The following NRXN3 variants were observed in gnomAD, a reference collection of about 807,000 sequenced individuals.
The protein encoded by NRXN3 is neurexin 3, also known as neurexin III.
A neutral mutation model predicts 137.6 loss-of-function variants in NRXN3; 32 were observed. The ratio of observed to expected loss-of-function variants is 0.23; its 90% CI spans 0.18 to 0.31. The LOEUF (loss-of-function observed/expected upper bound fraction) is 0.31, where lower values mean the gene tolerates loss of function less well. NRXN3 is among the 10% of genes least tolerant of loss of function. NRXN3 has a pLI of 1.00. For missense variants in NRXN3, 1,574 were observed against 2,062.5 expected, an observed-to-expected ratio of 0.76 and a Z score of 4.59; for synonymous variants, 798 against 784.5, an observed-to-expected ratio of 1.02 and a Z score of -0.29.
intron 4 of NRXN3, among the ~76,000 whole-genome samples, chr14:78,395,760 T>C (rs980742267): frequency 9.2e-5 from 14 of 152,138 alleles, no homozygotes; most frequent in African/African-American, 3.1e-4. Context: ...TTTTGTGATT[T>C]TTTTTGTCCT....
rs1308226528 is a variant in NRXN3 at position 78,187,994 on chromosome 14, A to G, written c.-704+17320A>G. ...GCTCTTTAACTTTTCTAAAATGAGT[A>G]TTCGGTAAATTAACACATAGGGAGC... On this transcript the variant is annotated intron_variant, in intron 1 of 20. Coordinates refer to ENST00000335750, the MANE Select transcript of NRXN3 (RefSeq NM_001330195.2). Among the ~76,000 whole-genome samples the G allele has an allele frequency of 3.9e-5, 6 of 152,286 alleles. No individual in the cohort carries two copies. In the South Asian group the frequency reaches 8.3e-4, roughly 21 times the overall value.
At position 78,653,607 on chromosome 14, in the gene NRXN3, CTATT is replaced by C. The variant is rs1429862459; in HGVS notation, c.1221+2282_1221+2285del. On this transcript the variant is annotated intron_variant, in intron 6 of 20. Transcript: ENST00000335750. ...AATTTCCCAACCATGAATCTTCTAT[CTATT>C]AATCAGGAAGGATGCCCTGAAAATT... Among the ~76,000 whole-genome samples, 4 of 152,072 alleles carry C rather than the reference CTATT, an allele frequency of 2.6e-5. No homozygotes were observed. The East Asian group carries it at 5.8e-4, about 22-fold the overall frequency.
chr14:79,545,973 T>C (rs935442695), intron 16 of NRXN3, among the ~76,000 whole-genome samples: 10 of 152,074 alleles, frequency 6.6e-5, no homozygotes, highest in Non-Finnish European at 1.0e-4. Flanking sequence ...CCCAGGGTGT[T>C]CTCCTGATAG....
intron 4 of NRXN3, among the ~76,000 whole-genome samples, chr14:78,441,465 T>C (rs1197529524): frequency 6.6e-6 from 1 of 152,192 alleles, no homozygotes; most frequent in South Asian, 2.1e-4. Flanking sequence ...CCCAGAAGAC[T>C]TGACCTTGCT....
At chr14:78,653,398 G>A (rs2097761717) in intron 6 of NRXN3, among the ~76,000 whole-genome samples, 1 of 152,138 alleles carries the variant, frequency 6.6e-6, no homozygotes, top group Non-Finnish European at 1.5e-5. Context: ...TGTTACCAAG[G>A]ACATGGCTCA....
chr14:78,610,453 G>T (rs1449008581), intron 4 of NRXN3, among the ~76,000 whole-genome samples: 1 of 152,160 alleles, frequency 6.6e-6, no homozygotes, highest in African/African-American at 2.4e-5. Context: ...GGTCCTCAAG[G>T]CTCATCACTT....
intron 15 of NRXN3, among the ~76,000 whole-genome samples, chr14:79,458,214 A>G (rs1185934076): frequency 6.6e-6 from 1 of 152,184 alleles, no homozygotes. Context: ...ACATAAAACA[A>G]TTTGACTAAA....
At chr14:79,086,817 G>T (rs1337916600) in intron 15 of NRXN3, among the ~76,000 whole-genome samples, 2 of 152,170 alleles carry the variant, frequency 1.3e-5, no homozygotes, top group Non-Finnish European at 2.9e-5. Context: ...ACTACAAGAT[G>T]TTAGATGTTC....
At chr14:79,605,832 G>A (rs569949585) in intron 16 of NRXN3, among the ~76,000 whole-genome samples, 178 of 152,240 alleles carry the variant, frequency 1.2e-3, no homozygotes, top group Non-Finnish European at 1.9e-3. Flanking sequence ...AACACCCTGC[G>A]TATGCCAAGA....
intron 4 of NRXN3, among the ~76,000 whole-genome samples, chr14:78,514,764 T>C (rs888056797): frequency 1.3e-5 from 2 of 152,000 alleles, no homozygotes; most frequent in Non-Finnish European, 2.9e-5. Flanking sequence ...GGAAACACAA[T>C]AGTGACTATA....
At chr14:78,847,227 C>A (rs1204093745) in intron 10 of NRXN3, among the ~76,000 whole-genome samples, 1 of 152,024 alleles carries the variant, frequency 6.6e-6, no homozygotes, top group Non-Finnish European at 1.5e-5. Context: ...CGGTTAATGA[C>A]CATCTGGTAA....
intron 8 of NRXN3, among the ~76,000 whole-genome samples, chr14:78,748,454 A>T (rs2098623898): frequency 6.6e-6 from 1 of 152,208 alleles, no homozygotes; most frequent in Non-Finnish European, 1.5e-5. Flanking sequence ...AAGGGTAGAT[A>T]AAGAAGTTAG....
At chr14:79,417,492 T>C (rs2095513651) in intron 15 of NRXN3, among the ~76,000 whole-genome samples, 1 of 152,128 alleles carries the variant, frequency 6.6e-6, no homozygotes. Flanking sequence ...TTTACTGCTG[T>C]AGCTGCCTCC....
intron 10 of NRXN3, among the ~76,000 whole-genome samples, chr14:78,862,239 A>T (rs1250223065): frequency 7.1e-6 from 1 of 141,220 alleles, no homozygotes; most frequent in Non-Finnish European, 1.5e-5. Flanking sequence ...ATTGTTATAA[A>T]TAGCAAAGAT....
At chr14:79,638,398 C>T (rs1031216029) in intron 16 of NRXN3, among the ~76,000 whole-genome samples, 5 of 152,132 alleles carry the variant, frequency 3.3e-5, no homozygotes, top group Admixed American at 6.5e-5. Context: ...AAGCCCAAAA[C>T]ACCATTTTAC....
rs952886551 is a variant in NRXN3, at chr14:78,207,392, G to A, written c.-703-34999G>A. ...TGCTTTTCACTACTGTTCAAGGGTGGATGACTCCCCAGTTGATACCTCTAG... is the reference window on the plus strand; with the variant it reads ...TGCTTTTCACTACTGTTCAAGGGTGAATGACTCCCCAGTTGATACCTCTAG... On this transcript the variant is annotated intron_variant, in intron 1 of 20. Coordinates refer to ENST00000335750, the MANE Select transcript of NRXN3 (RefSeq NM_001330195.2). Among the ~76,000 whole-genome samples, 5 of 152,064 alleles carry A rather than the reference G, an allele frequency of 3.3e-5. No homozygotes were observed. The South Asian group carries it at 8.3e-4, about 25-fold the overall frequency.
chr14:79,578,515 C>G (rs2097686390), intron 16 of NRXN3, among the ~76,000 whole-genome samples: 1 of 152,136 alleles, frequency 6.6e-6, no homozygotes, highest in South Asian at 2.1e-4. Context: ...TGACTCACAA[C>G]CCCCACCATA....
chr14:79,428,893 C>A (rs1479790732), intron 15 of NRXN3, among the ~76,000 whole-genome samples: 1 of 152,144 alleles, frequency 6.6e-6, no homozygotes, highest in African/African-American at 2.4e-5. Context: ...CAGATATGTT[C>A]TTGAAGAGAA....
At chr14:79,669,126 A>G (rs1311973166) in intron 17 of NRXN3, 1 of 152,106 alleles carries the variant, frequency 6.6e-6, no homozygotes, top group Non-Finnish European at 1.5e-5. Context: ...CATGCATTAA[A>G]ACAAGCCCCA....
Sources: allele counts gnomAD v4.1 joint callset (sites outside exome capture counted in the v4.1 genomes callset), GRCh38; gene constraint gnomAD v4.1.1; transcripts MANE v1.5; gene names NCBI Gene and HGNC (gene_info 2026-07-23, HGNC 2026-07-21).